The following GLIS3 variants were observed in gnomAD, a reference collection of about 807,000 sequenced individuals.
GLIS3 encodes zinc finger protein GLIS3.
In GLIS3, 53 loss-of-function variants were observed where a neutral mutation model predicts 78.6. That is an observed-to-expected ratio of 0.67 (90% CI 0.54 to 0.85). GLIS3 has a LOEUF of 0.85. Among genes scored for constraint, GLIS3 ranks in the 40% least tolerant of loss-of-function variants. The probability of loss-of-function intolerance (pLI) is 0.00; values close to 1 mark genes in which losing one functional copy is unlikely to be tolerated. For synonymous variants in GLIS3, 684 were observed against 509.9 expected, an observed-to-expected ratio of 1.34 and a Z score of -4.60; for missense variants, 1,703 against 1,231.1, an observed-to-expected ratio of 1.38 and a Z score of -5.74.
chr9:3,992,534 G>C (rs1820400470), intron 4 of GLIS3, among the ~76,000 whole-genome samples: 1 of 152,220 alleles, frequency 6.6e-6, no homozygotes, highest in African/African-American at 2.4e-5. Flanking sequence ...GGTTGTTTAT[G>C]AGATAGAGTT....
chr9:4,409,359 T>G, the GLIS3 span, among the ~76,000 whole-genome samples: 1 of 152,214 alleles, frequency 6.6e-6, no homozygotes, highest in East Asian at 1.9e-4. Flanking sequence ...GACGTCAGAA[T>G]AATGTTCTCC....
At chr9:4,281,093 A>C (rs957923554) in intron 2 of GLIS3, among the ~76,000 whole-genome samples, 1 of 152,216 alleles carries the variant, frequency 6.6e-6, no homozygotes, top group Non-Finnish European at 1.5e-5. Context: ...GTTTGAAAAA[A>C]TAATACAAAT....
chr9:4,024,949 G>A (rs556532243), intron 4 of GLIS3, among the ~76,000 whole-genome samples: 1 of 152,252 alleles, frequency 6.6e-6, no homozygotes, highest in Admixed American at 6.5e-5. Context: ...ACAGTGAGGA[G>A]TAATAGAACA....
intron 9 of GLIS3, among the ~76,000 whole-genome samples, chr9:3,846,216 A>C (rs996006881): frequency 6.6e-6 from 1 of 152,222 alleles, no homozygotes. Flanking sequence ...CTTAACTTTC[A>C]AGCAAAAGCA....
the GLIS3 span, among the ~76,000 whole-genome samples, chr9:4,484,793 C>G: frequency 6.6e-6 from 1 of 152,068 alleles, no homozygotes; most frequent in African/African-American, 2.4e-5. Context: ...CCAAAACTAT[C>G]CCTTCCTCAT....
chr9:3,979,418 C>T (rs1307938569), intron 4 of GLIS3, among the ~76,000 whole-genome samples: 1 of 152,362 alleles, frequency 6.6e-6, no homozygotes, highest in East Asian at 1.9e-4. Flanking sequence ...ACTTCTGCAG[C>T]ATCTAAATAG....
intron 2 of GLIS3, among the ~76,000 whole-genome samples, chr9:4,164,086 T>C (rs777046698): frequency 1.3e-5 from 2 of 152,246 alleles, no homozygotes; most frequent in African/African-American, 4.8e-5. Flanking sequence ...AAGGTCTATA[T>C]GCTGGTTTTA....
intron 2 of GLIS3, among the ~76,000 whole-genome samples, chr9:4,160,819 A>T (rs1464305370): frequency 1.3e-5 from 2 of 152,262 alleles, no homozygotes; most frequent in Admixed American, 6.5e-5. Flanking sequence ...TGACTTCAAA[A>T]GAATATTTAA....
chr9:4,096,588 T>C (rs547825236), intron 4 of GLIS3, among the ~76,000 whole-genome samples: 1 of 152,310 alleles, frequency 6.6e-6, no homozygotes, highest in South Asian at 2.1e-4. Flanking sequence ...CCGAATTTAC[T>C]CCTAGTGTGG....
At chr9:4,145,744 T>C (rs1459920458) in intron 2 of GLIS3, among the ~76,000 whole-genome samples, 5 of 151,704 alleles carry the variant, frequency 3.3e-5, no homozygotes, top group Non-Finnish European at 5.9e-5. Context: ...CCTCCCTTTG[T>C]TCCCCCTCCC....
intron 4 of GLIS3, among the ~76,000 whole-genome samples, chr9:4,048,898 A>C (rs1011846507): frequency 1.4e-4 from 21 of 152,184 alleles, no homozygotes; most frequent in African/African-American, 4.8e-4. Context: ...CCATCTCTGG[A>C]ATGCCAGTGA....
intron 2 of GLIS3, among the ~76,000 whole-genome samples, chr9:4,333,019 A>G (rs988445149): frequency 6.6e-6 from 1 of 152,202 alleles, no homozygotes; most frequent in African/African-American, 2.4e-5. Flanking sequence ...CAGCTGCTTT[A>G]TCTAAGTCAT....
rs770419087 is a variant in GLIS3, at chr9:4,286,044, C to G, written c.382G>C (p.Gly128Arg). Residue 128 changes from glycine to arginine, a missense_variant, in exon 2 of 11, where the codon GGG becomes CGG. Coordinates refer to ENST00000381971, the MANE Select transcript of GLIS3 (RefSeq NM_001042413.2). Reference protein sequence around the residue: ...EFGSPFPPNPGKGALGFGPQC... With the variant: ...EFGSPFPPNPRKGALGFGPQC... Reference sequence around the variant, plus strand: ...TCCAGAAAGACAATCCTACCTTTCCCAGGATTTGGAGGAAAAGGGCTTCCA... The same window carrying G: ...TCCAGAAAGACAATCCTACCTTTCCGAGGATTTGGAGGAAAAGGGCTTCCA... 4 of 1,614,050 alleles carry G rather than the reference C, an allele frequency of 2.5e-6. No individual in the cohort carries two copies. Among genetic ancestry groups the G allele is most frequent in the East Asian group, 2.2e-5 (1 of 44,886 alleles).
Position 3,826,954 on chromosome 9 carries a change from G to A in GLIS3, c.*1318C>T, listed in dbSNP as rs2129905673. 1 of 152,310 alleles carries A rather than the reference G, an allele frequency of 6.6e-6. No homozygotes were observed. The highest frequency in any genetic ancestry group is 2.1e-4 in the South Asian group (1 of 4,830). The allele number at this position is 152,310 out of a possible 1,614,324, so 9.4% of individuals were successfully genotyped here. ...GTAATAGCTATGTAGAGGTGTCACAGAAAATGACTTCCTATTTAGGCTTGA... is the reference window on the plus strand; with the variant it reads ...GTAATAGCTATGTAGAGGTGTCACAAAAAATGACTTCCTATTTAGGCTTGA... On this transcript the variant is annotated 3_prime_UTR_variant, in exon 11 of 11. Transcript: ENST00000381971.
chr9:3,971,460 A>C (rs1818377486), intron 4 of GLIS3, among the ~76,000 whole-genome samples: 1 of 152,200 alleles, frequency 6.6e-6, no homozygotes, highest in South Asian at 2.1e-4. Context: ...AAATGAGAAA[A>C]TTCTAAATAA....
intron 9 of GLIS3, among the ~76,000 whole-genome samples, chr9:3,839,162 G>C (rs1347017511): frequency 2.0e-5 from 3 of 152,192 alleles, no homozygotes; most frequent in Non-Finnish European, 4.4e-5. Context: ...TAGACAATGA[G>C]ATGGAAGCAG....
intron 2 of GLIS3, among the ~76,000 whole-genome samples, chr9:4,154,667 A>T (rs1834921255): frequency 1.3e-5 from 2 of 152,220 alleles, no homozygotes; most frequent in South Asian, 4.1e-4. Context: ...AAAATAATCT[A>T]GTAGATAAGA....
At position 4,163,304 on chromosome 9, in the gene GLIS3, G is replaced by A. The variant is rs1275938753; in HGVS notation, c.389-37363C>T. On this transcript the variant is annotated intron_variant, in intron 2 of 10. Coordinates refer to ENST00000381971, the MANE Select transcript of GLIS3 (RefSeq NM_001042413.2). ...CGCACACATACCATTTCTCAAACAT[G>A]CCCATTTAATTTACCTATGTCTGAA... Among the ~76,000 whole-genome samples, 3 of 152,148 alleles carry A rather than the reference G, an allele frequency of 2.0e-5. No individual in the cohort carries two copies. The South Asian group carries it at 6.2e-4, about 32-fold the overall frequency.
At chr9:4,339,575 C>T (rs966080480) in intron 2 of GLIS3, among the ~76,000 whole-genome samples, 3 of 150,692 alleles carry the variant, frequency 2.0e-5, no homozygotes, top group African/African-American at 7.3e-5. Context: ...CAACCTGTTG[C>T]TTCTGGTCCT....
Sources: allele counts gnomAD v4.1 joint callset (sites outside exome capture counted in the v4.1 genomes callset), GRCh38; gene constraint gnomAD v4.1.1; transcripts MANE v1.5; gene names NCBI Gene and HGNC (gene_info 2026-07-23, HGNC 2026-07-21).